Variants in ABR observed in about 807,000 individuals in gnomAD.
The protein encoded by ABR is active breakpoint cluster region-related protein.
ABR carries 35 observed loss-of-function variants against 107.2 expected under a neutral mutation model. The observed-to-expected ratio is 0.33, with a 90% confidence interval of 0.25 to 0.43. The LOEUF is 0.43. Among genes scored for constraint, ABR ranks in the 20% least tolerant of loss-of-function variants. ABR has a pLI of 1.00. For missense variants in ABR, 815 were observed against 1,115.2 expected (o/e 0.73, Z 3.83); for synonymous variants, 498 against 462.0 (o/e 1.08, Z -1.00).
chr17:1,077,413 C>T (rs111301839), intron 6 of ABR, among the ~76,000 whole-genome samples: 3 of 152,336 alleles, frequency 2.0e-5, no homozygotes, highest in African/African-American at 7.2e-5. Context: ...GGGTACGTTT[C>T]CTTTTCAGGG....
intron 2 of ABR, among the ~76,000 whole-genome samples, chr17:1,103,480 C>T (rs1030350444): frequency 3.3e-5 from 5 of 152,156 alleles, no homozygotes; most frequent in African/African-American, 7.2e-5. Flanking sequence ...AATGCCACAC[C>T]GTGAGCTGTA....
At chr17:1,161,047 A>C (rs1288437697) in intron 1 of ABR, among the ~76,000 whole-genome samples, 1 of 152,090 alleles carries the variant, frequency 6.6e-6, no homozygotes, top group African/African-American at 2.4e-5. Flanking sequence ...TTCCCGTTCC[A>C]AGGACACCAT....
chr17:1,103,670 T>C (rs1268944017), intron 2 of ABR, among the ~76,000 whole-genome samples: 2 of 152,118 alleles, frequency 1.3e-5, no homozygotes, highest in Non-Finnish European at 2.9e-5. Context: ...CTGGTTCTGA[T>C]GGGAAGACAA....
upstream of ABR, among the ~76,000 whole-genome samples, chr17:1,180,840 G>A (rs1346061469): frequency 6.6e-6 from 1 of 152,208 alleles, no homozygotes; most frequent in South Asian, 2.1e-4. Context: ...GATTCTGTGG[G>A]AGCCATGGCA....
At chr17:1,166,742 G>C (rs1281301930) in intron 1 of ABR, among the ~76,000 whole-genome samples, 1 of 152,244 alleles carries the variant, frequency 6.6e-6, no homozygotes, top group Non-Finnish European at 1.5e-5. Flanking sequence ...GCTCACGCCT[G>C]TAATCCCAGC....
chr17:1,054,480 G>A (rs1433397497), intron 14 of ABR, among the ~76,000 whole-genome samples: 1 of 151,222 alleles, frequency 6.6e-6, no homozygotes, highest in South Asian at 2.1e-4. Context: ...AGGGGATGGG[G>A]GCACAAGGAA....
At chr17:1,122,900 G>C (rs1194764199) in intron 2 of ABR, among the ~76,000 whole-genome samples, 1 of 152,236 alleles carries the variant, frequency 6.6e-6, no homozygotes, top group Non-Finnish European at 1.5e-5. Flanking sequence ...CCAGAAGCCA[G>C]ATATCTGAAT....
chr17:1,086,973 A>G (rs1444107691), intron 4 of ABR, among the ~76,000 whole-genome samples: 2 of 151,744 alleles, frequency 1.3e-5, no homozygotes, highest in East Asian at 1.9e-4. Flanking sequence ...CAAAATAGAT[A>G]CAGATATGTA....
intron 1 of ABR, among the ~76,000 whole-genome samples, chr17:1,185,439 G>A (rs2042256391): frequency 3.3e-5 from 5 of 152,082 alleles, no homozygotes; most frequent in Admixed American, 1.3e-4. Context: ...GAGGTCAGGA[G>A]TTCGAGACCA....
chr17:1,012,068 C>G (rs1193055353), intron 18 of ABR, 83 bp from the exon 19 acceptor site: 1 of 1,594,230 alleles, frequency 6.3e-7, no homozygotes, highest in Non-Finnish European at 8.5e-7. Context: ...CACACACACC[C>G]TGGAGAGCTT....
chr17:1,024,608 A>C (rs1008881853), intron 16 of ABR, among the ~76,000 whole-genome samples: 4 of 152,024 alleles, frequency 2.6e-5, no homozygotes, highest in African/African-American at 9.7e-5. Context: ...CAACATAACG[A>C]AACCTCGTCT....
intron 1 of ABR, among the ~76,000 whole-genome samples, chr17:1,166,182 A>G (rs1158133357): frequency 6.6e-6 from 1 of 152,054 alleles, no homozygotes; most frequent in African/African-American, 2.4e-5. Flanking sequence ...TGGTAGGAAC[A>G]CCACACGTTC....
chr17:1,049,881 A>G, intron 16 of ABR, 169 bp downstream of exon 16: 1 of 937,392 alleles, frequency 1.1e-6, no homozygotes. Flanking sequence ...CCGGGGCCAC[A>G]ACAGGCAGCC....
At chr17:1,222,654 G>A (rs2043139498) in intron 1 of ABR, among the ~76,000 whole-genome samples, 1 of 152,200 alleles carries the variant, frequency 6.6e-6, no homozygotes. Flanking sequence ...GCTCATATCT[G>A]TAATCTCAGC....
chr17:1,185,612 T>C (rs1412931977), intron 1 of ABR, among the ~76,000 whole-genome samples: 1 of 131,072 alleles, frequency 7.6e-6, no homozygotes, highest in Non-Finnish European at 1.5e-5. Flanking sequence ...GCCACTGCAC[T>C]CCAGCCTGGG....
chr17:1,161,659 A>G (rs1008963455), intron 1 of ABR, among the ~76,000 whole-genome samples: 14 of 151,530 alleles, frequency 9.2e-5, no homozygotes, highest in African/African-American at 3.4e-4. Flanking sequence ...GGTTCAAACA[A>G]TTCTCCTGCC....
chr17:1,080,475 C>T (rs775210110), intron 5 of ABR, among the ~76,000 whole-genome samples: 5 of 152,094 alleles, frequency 3.3e-5, no homozygotes, highest in South Asian at 2.1e-4. Context: ...ACTTGGCAGA[C>T]GGAGCACACG....
At chr17:1,194,732 C>T (rs1205096956) in intron 1 of ABR, among the ~76,000 whole-genome samples, 1 of 124,800 alleles carries the variant, frequency 8.0e-6, no homozygotes, top group Non-Finnish European at 1.7e-5. Context: ...CAGCTCACTG[C>T]AACCTCCACC....
chr17:1,171,241 C>T (rs1427598694), intron 1 of ABR, among the ~76,000 whole-genome samples: 3 of 152,208 alleles, frequency 2.0e-5, no homozygotes, highest in Non-Finnish European at 4.4e-5. Flanking sequence ...TCCCCGTAAT[C>T]TCGATCCATT....
Sources: gnomAD v4.1 joint callset for allele counts (sites outside exome capture counted in the v4.1 genomes callset) on GRCh38, gnomAD v4.1.1 for gene constraint, MANE v1.5 for transcripts, NCBI Gene and HGNC (gene_info 2026-07-23, HGNC 2026-07-21) for gene names.